The following FNDC1 variants were observed in gnomAD, a reference collection of about 807,000 sequenced individuals.
FNDC1 encodes the protein fibronectin type III domain-containing protein 1.
A neutral mutation model predicts 168.0 loss-of-function variants in FNDC1; 96 were observed. The observed-to-expected ratio is 0.57, with a 90% CI of 0.48 to 0.68. The LOEUF is 0.68. Ranked by LOEUF, FNDC1 falls within the 30% of genes least tolerant of loss-of-function variation. The probability of loss-of-function intolerance (pLI) is 0.00; values close to 1 mark genes in which losing one functional copy is unlikely to be tolerated. For missense variants in FNDC1, 2,587 were observed against 2,482.1 expected, an observed-to-expected ratio of 1.04 and a Z score of -0.90; for synonymous variants, 1,099 against 1,025.9, an observed-to-expected ratio of 1.07 and a Z score of -1.36.
At position 159,214,815 on chromosome 6, in the gene FNDC1, T is replaced by C. The variant is rs537536349; in HGVS notation, c.461-130T>C. 4 of 725,372 alleles carry C rather than the reference T, an allele frequency of 5.5e-6. No homozygotes were observed. The East Asian group carries it at 1.1e-4, about 20-fold the overall frequency. 44.9% of individuals were successfully genotyped at this position (725,372 alleles called of 1,614,324 possible). A position where few individuals can be genotyped will look rare whatever the true frequency, so the allele number is the denominator to read the frequency against. On this transcript the variant is annotated intron_variant, in intron 4 of 22. Coordinates refer to ENST00000297267, the MANE Select transcript of FNDC1 (RefSeq NM_032532.3). ...GGAAAAATGTCCTTACTAGAATTAG[T>C]TACCAAGAAATGCATGTTTGAAGCT... is the stretch of plus-strand genomic sequence containing the variant.
At chr6:159,177,996 G>A (rs1010716859) in intron 1 of FNDC1, among the ~76,000 whole-genome samples, 2 of 152,196 alleles carry the variant, frequency 1.3e-5, no homozygotes, top group Non-Finnish European at 2.9e-5. Flanking sequence ...ATTATAAGAA[G>A]GATGAATGTT....
chr6:159,201,564 G>T (rs1332862923), intron 4 of FNDC1, among the ~76,000 whole-genome samples: 1 of 152,238 alleles, frequency 6.6e-6, no homozygotes, highest in East Asian at 1.9e-4. Context: ...ATGGACTTAG[G>T]AGTCATGCTA....
intron 22 of FNDC1, among the ~76,000 whole-genome samples, chr6:159,269,788 C>T (rs1301519596): frequency 1.3e-5 from 2 of 152,132 alleles, no homozygotes; most frequent in African/African-American, 4.8e-5. Context: ...GGCAGAGTTA[C>T]CTCTGGTTAG....
In FNDC1 at chr6:159,225,561, AG is replaced by A. The variant is rs1562644346; in HGVS notation, c.916del (p.Glu306AsnfsTer16). 6.2e-7 allele frequency: 1 copy of A among 1,613,634 alleles called. No homozygotes were observed. Among genetic ancestry groups the A allele is most frequent in the Non-Finnish European group, 8.5e-7 (1 of 1,179,660 alleles). On this transcript the variant is annotated frameshift_variant, in exon 8 of 23. Transcript: ENST00000297267. LOFTEE classifies it high-confidence loss of function. ...CAGTACACCGTGCGCTATCGAGAGA[AG>A]GGGGAATTGGCCAGGTGGGATTATA... ...SRQYTVRYREKGELARWDYKQ... is the reference protein window; with the variant it reads ...SRQYTVRYREXGELARWDYKQ...
chr6:159,245,957 G>T (rs1783530336), intron 14 of FNDC1, among the ~76,000 whole-genome samples: 1 of 9,082 alleles, frequency 1.1e-4, no homozygotes, highest in Non-Finnish European at 3.3e-4. Flanking sequence ...GGTTTCACCA[G>T]GTTAGCCAGG....
chr6:159,250,779 G>A (rs138084370), intron 16 of FNDC1, among the ~76,000 whole-genome samples: 2 of 152,320 alleles, frequency 1.3e-5, no homozygotes, highest in East Asian at 1.9e-4. Context: ...AGTTCAGGCC[G>A]GGCCTTATGC....
Position 159,264,966 on chromosome 6 carries a change from A to T in FNDC1, c.5255-9A>T, listed in dbSNP as rs762062627. ...GCACAGAGTCCATTATTTCTTTTTC[A>T]TTCTACAGATAATCCTCTGCTTGTT... On this transcript the variant is annotated splice_polypyrimidine_tract_variant and intron_variant, in intron 19 of 22. Transcript: ENST00000297267. 2 of 1,600,942 alleles carry T rather than the reference A, an allele frequency of 1.2e-6. No homozygotes were observed. Among genetic ancestry groups the T allele is most frequent in the East Asian group, 4.5e-5 (2 of 44,682 alleles).
Position 159,196,755 on chromosome 6 carries a change from T to C in FNDC1, c.110-676T>C, listed in dbSNP as rs1013162321. Among the ~76,000 whole-genome samples, 3 of 152,222 alleles carry C rather than the reference T, an allele frequency of 2.0e-5. No homozygotes were observed. In the South Asian group the frequency reaches 6.2e-4, roughly 32 times the overall value. On this transcript the variant is annotated intron_variant, in intron 1 of 22. Coordinates refer to ENST00000297267, the MANE Select transcript of FNDC1 (RefSeq NM_032532.3). The stretch of plus-strand genomic sequence containing the variant: ...TGTTTGACAAAATGTTATGTTTCAC[T>C]TTAGTAATTTTGAAAATGAAGTGAA...
intron 9 of FNDC1, among the ~76,000 whole-genome samples, chr6:159,226,885 A>G (rs1782966417): frequency 6.6e-6 from 1 of 152,190 alleles, no homozygotes; most frequent in African/African-American, 2.4e-5. Flanking sequence ...CTTCCATGCT[A>G]TGGGTCTTTT....
chr6:159,261,388 A>T (rs1480153334), intron 19 of FNDC1, 119 bp downstream of exon 19: 1 of 666,178 alleles, frequency 1.5e-6, no homozygotes, highest in East Asian at 2.8e-5. Context: ...CTCATGTTGG[A>T]TATCAGTTTC....
chr6:159,210,448 C>T (rs1470095875), intron 4 of FNDC1, among the ~76,000 whole-genome samples: 2 of 152,206 alleles, frequency 1.3e-5, no homozygotes, highest in Non-Finnish European at 2.9e-5. Context: ...AGTGCCCTTT[C>T]TCCTTACTGT....
At chr6:159,205,320 C>A (rs1782464228) in intron 4 of FNDC1, among the ~76,000 whole-genome samples, 1 of 152,174 alleles carries the variant, frequency 6.6e-6, no homozygotes, top group South Asian at 2.1e-4. Flanking sequence ...GTATTTTGGC[C>A]TTTTCTGTCA....
chr6:159,170,405 T>G (rs1289667678), intron 1 of FNDC1, among the ~76,000 whole-genome samples: 1 of 152,230 alleles, frequency 6.6e-6, no homozygotes, highest in Non-Finnish European at 1.5e-5. Context: ...GATGCTTCCT[T>G]TGAGAGCAAT....
chr6:159,191,928 A>G (rs1005013684), intron 1 of FNDC1, among the ~76,000 whole-genome samples: 1 of 152,148 alleles, frequency 6.6e-6, no homozygotes, highest in Non-Finnish European at 1.5e-5. Context: ...TGGTGGTATA[A>G]TGATAAACCA....
intron 1 of FNDC1, among the ~76,000 whole-genome samples, chr6:159,189,203 C>T (rs1179345753): frequency 6.6e-6 from 1 of 152,110 alleles, no homozygotes; most frequent in East Asian, 1.9e-4. Context: ...GGCCAGCTGG[C>T]CTTTGGGATG....
At chr6:159,197,708 A>G in intron 2 of FNDC1, 83 bp downstream of exon 2, 1 of 1,296,670 alleles carries the variant, frequency 7.7e-7, no homozygotes, top group Admixed American at 2.0e-5. Context: ...TGACTGTGAG[A>G]CAACCCATGG....
intron 1 of FNDC1, among the ~76,000 whole-genome samples, chr6:159,196,840 T>C (rs1469149167): frequency 6.6e-6 from 1 of 152,244 alleles, no homozygotes; most frequent in African/African-American, 2.4e-5. Flanking sequence ...CTAACTTGTT[T>C]TTCTTCTGGA....
In FNDC1 at chr6:159,210,105, G is replaced by T. The variant is rs533644524; in HGVS notation, c.461-4840G>T. 6.6e-5 allele frequency among the ~76,000 whole-genome samples: 10 copies of T among 152,332 alleles called. No homozygotes were observed. In the South Asian group the frequency reaches 2.1e-3, roughly 32 times the overall value. On this transcript the variant is annotated intron_variant, in intron 4 of 22. Coordinates refer to ENST00000297267, the MANE Select transcript of FNDC1 (RefSeq NM_032532.3). ...GAACTGTGCCAGCTTCTCTGTAAGC[G>T]GGGCACATGCACATCTTGCCAGGGC...
chr6:159,177,271 T>A (rs1326391341), intron 1 of FNDC1, among the ~76,000 whole-genome samples: 5 of 152,208 alleles, frequency 3.3e-5, no homozygotes, highest in Non-Finnish European at 7.3e-5. Context: ...GATGAGCATG[T>A]GCCACTCTTG....
Sources: allele counts gnomAD v4.1 joint callset (sites outside exome capture counted in the v4.1 genomes callset), GRCh38; gene constraint gnomAD v4.1.1; transcripts MANE v1.5; gene names NCBI Gene and HGNC (gene_info 2026-07-23, HGNC 2026-07-21).